The following TMC2 variants were observed in gnomAD, a reference collection of about 807,000 sequenced individuals.
TMC2 encodes transmembrane channel like 2.
In TMC2, 102 loss-of-function variants were observed where a neutral mutation model predicts 105.9. The observed-to-expected ratio is 0.96, with a 90% confidence interval of 0.82 to 1.14. The LOEUF (loss-of-function observed/expected upper bound fraction) is 1.14, where lower values mean the gene tolerates loss of function less well. Among genes scored for constraint, TMC2 ranks in the 50% most tolerant of loss-of-function variants. TMC2 has a pLI of 0.00. For missense variants in TMC2, 1,093 were observed against 1,134.3 expected (o/e 0.96, Z 0.52); for synonymous variants, 402 against 422.8 (o/e 0.95, Z 0.60).
intron 19 of TMC2, among the ~76,000 whole-genome samples, chr20:2,638,202 G>A (rs542357037): frequency 1.1e-3 from 167 of 152,176 alleles, no homozygotes; most frequent in African/African-American, 3.5e-3. Flanking sequence ...TTAGCCGGGC[G>A]TGGTGGCGGG....
intron 7 of TMC2, among the ~76,000 whole-genome samples, chr20:2,589,405 C>T (rs571411178): frequency 5.3e-5 from 8 of 151,118 alleles, no homozygotes; most frequent in African/African-American, 1.9e-4. Context: ...CCTCCCAAAC[C>T]TATTTGTCCT....
rs2086263220 is a variant in TMC2, at chr20:2,590,785, A to C, written c.835-1525A>C. Reference sequence around the variant, plus strand: ...CAATGATTTTATGAAAAACTACTAGAATCTAATAAACAAGTATATTGAGAT... The same window carrying C: ...CAATGATTTTATGAAAAACTACTAGCATCTAATAAACAAGTATATTGAGAT... On this transcript the variant is annotated intron_variant, in intron 7 of 19. Transcript: ENST00000358864. Among the ~76,000 whole-genome samples the C allele has an allele frequency of 2.0e-5, 3 of 152,262 alleles. No homozygotes were observed. The East Asian group carries it at 5.8e-4, about 29-fold the overall frequency.
rs1482569971 is a variant in TMC2, at chr20:2,610,487, G to T, written c.1482G>T (p.Glu494Asp). 1.2e-6 allele frequency: 2 copies of T among 1,613,708 alleles called. No homozygotes were observed. The highest frequency in any genetic ancestry group is 8.5e-7 in the Non-Finnish European group (1 of 1,179,906). Residue 494 changes from glutamate (E) to aspartate (D), a missense_variant, in exon 12 of 20, where the codon GAG becomes GAT. Coordinates refer to ENST00000358864, the MANE Select transcript of TMC2 (RefSeq NM_080751.3). ...PPLFETIAAL[E>D]NYHPRTGLKW... ...TGTTTGAAACCATCGCTGCCCTGGA[G>T]AATTACCACCCACGCACTGGACTGA...
chr20:2,541,234 C>T (rs1015924422), intron 2 of TMC2, among the ~76,000 whole-genome samples: 1 of 152,158 alleles, frequency 6.6e-6, no homozygotes. Context: ...CAGGTTAATT[C>T]ATTATTCTAT....
chr20:2,638,402 T>C lies in TMC2; in HGVS notation c.2503+811T>C, dbSNP rs1047954450. ...ACATACAATTATATATGGCACAGAA[T>C]ACTCAATAATGATAATAATTATGTT... On this transcript the variant is annotated intron_variant, in intron 19 of 19. Transcript: ENST00000358864. Among the ~76,000 whole-genome samples, 12 of 152,092 alleles carry C rather than the reference T, an allele frequency of 7.9e-5. No homozygotes were observed. The East Asian group carries it at 2.1e-3, about 27-fold the overall frequency.
In TMC2 at chr20:2,579,149, T is replaced by C. The variant is rs34884202; in HGVS notation, c.649T>C (p.Trp217Arg). The C allele has an allele frequency of 0.044, 68,070 of 1,557,316 alleles. 1,641 individuals are homozygous for C. The highest frequency in any genetic ancestry group is 0.078 in the South Asian group (6,961 of 89,814). ...AGTTTTACGTCTTTTATTTCAGAAA[T>C]GGGTCAAATTTAAGAGAGACTTTGA... is the stretch of plus-strand genomic sequence containing the variant. ...YAYKMLMAKK[W>R]VKFKRDFDNF... Residue 217 changes from tryptophan (W) to arginine (R), a missense_variant, in exon 6 of 20, where the codon TGG becomes CGG. Coordinates refer to ENST00000358864, the MANE Select transcript of TMC2 (RefSeq NM_080751.3).
At chr20:2,637,998 CAT>C (rs1477992666) in intron 19 of TMC2, among the ~76,000 whole-genome samples, 2 of 152,202 alleles carry the variant, frequency 1.3e-5, no homozygotes, top group South Asian at 2.1e-4. Context: ...ACACATTACT[CAT>C]GTGTTTGTTG....
At chr20:2,597,904 G>C (rs1328535322) in intron 10 of TMC2, among the ~76,000 whole-genome samples, 1 of 152,106 alleles carries the variant, frequency 6.6e-6, no homozygotes, top group Non-Finnish European at 1.5e-5. Flanking sequence ...CTCATTTGGG[G>C]AAAGCATTTC....
At chr20:2,562,051 C>T (rs2086030705) in intron 4 of TMC2, 41 bp downstream of exon 4, 5 of 1,589,680 alleles carry the variant, frequency 3.1e-6, no homozygotes, top group Non-Finnish European at 4.3e-6. Flanking sequence ...CCGATGTCCA[C>T]AGCTCCTTCT....
At chr20:2,620,894 T>C (rs546829830) in intron 16 of TMC2, among the ~76,000 whole-genome samples, 42 of 152,354 alleles carry the variant, frequency 2.8e-4, no homozygotes, top group Non-Finnish European at 5.3e-4. Context: ...TGGTGATTCC[T>C]TTCTTCCTTC....
chr20:2,584,221 G>C (rs2086215326), intron 7 of TMC2, among the ~76,000 whole-genome samples: 1 of 151,956 alleles, frequency 6.6e-6, no homozygotes, highest in Non-Finnish European at 1.5e-5. Flanking sequence ...GAGGCGGGCG[G>C]ATCACGAGGT....
intron 7 of TMC2, among the ~76,000 whole-genome samples, chr20:2,580,530 CA>C (rs1212063217): frequency 1.3e-5 from 2 of 151,846 alleles, no homozygotes; most frequent in Non-Finnish European, 2.9e-5. Context: ...TATTTATCAC[CA>C]AAAAAACTTG....
chr20:2,606,980 C>G (rs2086398974), intron 11 of TMC2, among the ~76,000 whole-genome samples: 1 of 89,060 alleles, frequency 1.1e-5, no homozygotes, highest in Non-Finnish European at 2.4e-5. Flanking sequence ...CCTATATTTT[C>G]TTAACATCTT....
At chr20:2,563,407 G>T (rs373661078) in intron 4 of TMC2, among the ~76,000 whole-genome samples, 2 of 152,196 alleles carry the variant, frequency 1.3e-5, no homozygotes, top group Non-Finnish European at 2.9e-5. Flanking sequence ...AGAGCTTTCT[G>T]CAATGATGGA....
At chr20:2,589,254 T>G (rs6037050) in intron 7 of TMC2, among the ~76,000 whole-genome samples, 1 of 139,616 alleles carries the variant, frequency 7.2e-6, no homozygotes, top group Non-Finnish European at 1.5e-5. Context: ...TTTTTCCAGA[T>G]ATCTTCCTAT....
chr20:2,556,348 G>A (rs1450096500), intron 2 of TMC2, among the ~76,000 whole-genome samples: 1 of 152,054 alleles, frequency 6.6e-6, no homozygotes, highest in Non-Finnish European at 1.5e-5. Flanking sequence ...CAAAGTGCTG[G>A]GATTACAGGC....
chr20:2,592,326 C>A lies in TMC2; in HGVS notation c.851C>A (p.Pro284His). Reference protein sequence around the residue: ...VIIPEVLMGMPYGSIPRKTVP... With the variant: ...VIIPEVLMGMHYGSIPRKTVP... Reference sequence around the variant, plus strand: ...CTGCACAAGGTACTGATGGGCATGCCCTATGGGAGTATTCCCAGAAAGACA... The same window carrying A: ...CTGCACAAGGTACTGATGGGCATGCACTATGGGAGTATTCCCAGAAAGACA... Residue 284 changes from proline to histidine, a missense_variant, in exon 8 of 20, where the codon CCC (proline) becomes CAC (histidine). Pro to His is a moderately conservative substitution (Grantham distance 77, BLOSUM62 -2). Coordinates refer to ENST00000358864, the MANE Select transcript of TMC2 (RefSeq NM_080751.3). The surrounding 1 kb of genome is among the most constrained non-coding windows in gnomAD (Gnocchi z 4.9). 6.2e-7 allele frequency: 1 copy of A among 1,612,634 alleles called. No individual in the cohort carries two copies.
At chr20:2,629,560 G>A (rs2086588894) in intron 17 of TMC2, among the ~76,000 whole-genome samples, 1 of 135,868 alleles carries the variant, frequency 7.4e-6, no homozygotes, top group Admixed American at 7.7e-5. Context: ...GACCTCAAAA[G>A]GTGGTGGTGA....
At chr20:2,572,362 T>G in intron 5 of TMC2, 93 bp downstream of exon 5, 1 of 914,324 alleles carries the variant, frequency 1.1e-6, no homozygotes, top group Non-Finnish European at 1.8e-6. Flanking sequence ...CTTCGCCATT[T>G]GTGTCCAGCT....
Sources: allele counts gnomAD v4.1 joint callset (sites outside exome capture counted in the v4.1 genomes callset), GRCh38; gene constraint gnomAD v4.1.1; non-coding constraint Gnocchi (gnomAD v3.1); transcripts MANE v1.5; gene names NCBI Gene and HGNC (gene_info 2026-07-23, HGNC 2026-07-21).